NPAT: variants seen among roughly 807,000 people sequenced by gnomAD.
NPAT encodes the protein protein NPAT.
A neutral mutation model predicts 130.7 loss-of-function variants in NPAT; 52 were observed. The observed-to-expected ratio is 0.40, with a 90% confidence interval of 0.32 to 0.50. The LOEUF is 0.50. Among genes scored for constraint, NPAT ranks in the 20% least tolerant of loss-of-function variants. The probability of loss-of-function intolerance (pLI) is 0.68; values close to 1 mark genes in which losing one functional copy is unlikely to be tolerated. For synonymous variants in NPAT, 580 were observed against 584.8 expected, an observed-to-expected ratio of 0.99 and a Z score of 0.12; for missense variants, 1,687 against 1,662.6, an observed-to-expected ratio of 1.01 and a Z score of -0.26.
At chr11:108,188,292 G>T in intron 6 of NPAT, 113 bp from the exon 7 acceptor site, 3 of 801,612 alleles carry the variant, frequency 3.7e-6, no homozygotes, top group Non-Finnish European at 6.5e-6. Flanking sequence ...CAATTAACAT[G>T]TACTGAGTGC....
intron 1 of NPAT, 46 bp from the exon 2 acceptor site, chr11:108,197,466 T>C: frequency 7.9e-7 from 1 of 1,262,798 alleles, no homozygotes; most frequent in Non-Finnish European, 1.2e-6. Flanking sequence ...AATTCTGTAC[T>C]TTTGGTTAAA....
At chr11:108,186,119 C>A (rs1339493779) in intron 8 of NPAT, among the ~76,000 whole-genome samples, 1 of 152,006 alleles carries the variant, frequency 6.6e-6, no homozygotes, top group East Asian at 1.9e-4. Flanking sequence ...CAGGCTCAAG[C>A]AGTCCTCCCA....
intron 7 of NPAT, among the ~76,000 whole-genome samples, chr11:108,187,482 T>C (rs1425994570): frequency 2.6e-5 from 4 of 152,132 alleles, no homozygotes; most frequent in Non-Finnish European, 5.9e-5. Flanking sequence ...TTGCTGTTTG[T>C]TATTTTATAT....
In NPAT at chr11:108,185,305, G is replaced by C; in HGVS notation, c.833C>G (p.Ala278Gly). ...GTTATCTGTTTGCTTAGGTACTTGG[G>C]CAATATTGTTATCACTGTTAATAAA... is the stretch of plus-strand genomic sequence containing the variant. Reference protein sequence around the residue: ...NKFLTSDNNIAQVPKQTDNNP... With the variant: ...NKFLTSDNNIGQVPKQTDNNP... Residue 278 changes from alanine to glycine, a missense_variant, in exon 10 of 18, where the codon GCC becomes GGC. Around this residue, in one of 3 missense-constraint regions of NPAT, gnomAD observed 1,379 missense variants for 1,346.6 expected, o/e 1.02. Coordinates refer to ENST00000278612, the MANE Select transcript of NPAT (RefSeq NM_002519.3). 6.2e-7 allele frequency: 1 copy of C among 1,610,000 alleles called. No homozygotes were observed. The highest frequency in any genetic ancestry group is 1.1e-5 in the South Asian group (1 of 90,568).
rs544366374 is a variant in NPAT at position 108,170,055 on chromosome 11, A to G, written c.2786-12T>C. 2.9e-5 allele frequency: 45 copies of G among 1,550,422 alleles called. No homozygotes were observed. In the South Asian group the frequency reaches 3.9e-4, roughly 13 times the overall value. ...TATTATGGCAGATCCTAAAAAAACAATTCTTGTTAAAAAAAGATTTTCTCT... is the reference window on the plus strand; with the variant it reads ...TATTATGGCAGATCCTAAAAAAACAGTTCTTGTTAAAAAAAGATTTTCTCT... On this transcript the variant is annotated splice_polypyrimidine_tract_variant and intron_variant, in intron 13 of 17. Coordinates refer to ENST00000278612, the MANE Select transcript of NPAT (RefSeq NM_002519.3).
chr11:108,176,133 TGACC>T (rs2078003350), intron 12 of NPAT, 109 bp downstream of exon 12: 1 of 772,456 alleles, frequency 1.3e-6, no homozygotes, highest in South Asian at 1.7e-5. Flanking sequence ...AATACAAAAA[TGACC>T]TATAACAATC....
chr11:108,212,237 C>T (rs911840824), intron 1 of NPAT, among the ~76,000 whole-genome samples: 6 of 152,012 alleles, frequency 3.9e-5, no homozygotes, highest in African/African-American at 1.4e-4. Flanking sequence ...AAATAAAAAG[C>T]ATCCAGGCCG....
At chr11:108,181,253 C>A (rs1163452604) in intron 10 of NPAT, among the ~76,000 whole-genome samples, 1 of 152,170 alleles carries the variant, frequency 6.6e-6, no homozygotes, top group Non-Finnish European at 1.5e-5. Flanking sequence ...CACCCGAGGT[C>A]AGGAGTTCGA....
chr11:108,206,787 G>A (rs544079379), intron 1 of NPAT, among the ~76,000 whole-genome samples: 1 of 152,338 alleles, frequency 6.6e-6, no homozygotes, highest in South Asian at 2.1e-4. Flanking sequence ...GAGGTTCACG[G>A]TCAACTGGAA....
intron 10 of NPAT, among the ~76,000 whole-genome samples, chr11:108,179,943 G>A (rs377664096): frequency 3.3e-5 from 5 of 152,112 alleles, no homozygotes; most frequent in East Asian, 1.9e-4. Flanking sequence ...AAACCTATGC[G>A]GATCAAAGAA....
chr11:108,206,873 C>T (rs1018706298), intron 1 of NPAT, among the ~76,000 whole-genome samples: 11 of 151,078 alleles, frequency 7.3e-5, no homozygotes, highest in South Asian at 2.1e-4. Context: ...AGCTCCTTTC[C>T]GTAGGCAGGT....
intron 1 of NPAT, among the ~76,000 whole-genome samples, chr11:108,212,931 G>C (rs1276433380): frequency 1.1e-5 from 1 of 92,706 alleles, no homozygotes; most frequent in Non-Finnish European, 1.9e-5. Context: ...GGGCAACAGA[G>C]CAAGACTCTG....
Position 108,193,958 on chromosome 11 carries a change from T to C in NPAT, c.216A>G (p.Lys72=). The change falls in exon 3 of 18, where the codon AAA becomes AAG. Residue 72 remains lysine (K), a splice_region_variant and synonymous_variant. Transcript: ENST00000278612. ...ILNEYVAMKT[K]ETSNNVPAIM... is the part of the protein sequence containing the mutation. ...AAAACTCCAAATCAGAACTCTTACC[T>C]TTTGTTTTCATAGCTACATACTCAT... The C allele has an allele frequency of 6.4e-7, 1 of 1,556,868 alleles. No homozygotes were observed. The highest frequency in any genetic ancestry group is 8.9e-7 in the Non-Finnish European group (1 of 1,128,598).
Position 108,174,715 on chromosome 11 carries a change from T to C in NPAT, c.1133-864A>G, listed in dbSNP as rs139334865. ...CTGCAGCCTCTGCCTCCCGGGTTCA[T>C]GTGATTCTCCTGCCTCAGCCTCTTG... On this transcript the variant is annotated intron_variant, in intron 12 of 17. Transcript: ENST00000278612. 6.1e-3 allele frequency among the ~76,000 whole-genome samples: 927 copies of C among 151,250 alleles called. 8 individuals carry two copies. The highest frequency in any genetic ancestry group is 0.02 in the African/African-American group (816 of 41,206).
chr11:108,165,018 A>G (rs970865194), intron 15 of NPAT, among the ~76,000 whole-genome samples: 3 of 152,110 alleles, frequency 2.0e-5, no homozygotes, highest in Non-Finnish European at 2.9e-5. Context: ...TCAAAAATAA[A>G]ATAAATAAAT....
intron 11 of NPAT, among the ~76,000 whole-genome samples, 159 bp from the exon 12 acceptor site, chr11:108,176,533 A>AT (rs2078007982): frequency 6.6e-6 from 1 of 152,214 alleles, no homozygotes; most frequent in Non-Finnish European, 1.5e-5. Context: ...AAGTACAAAG[A>AT]TTTTCCCACT....
intron 15 of NPAT, among the ~76,000 whole-genome samples, chr11:108,163,376 C>T (rs1002344610): frequency 1.3e-5 from 2 of 152,098 alleles, no homozygotes; most frequent in South Asian, 2.1e-4. Flanking sequence ...CCACCATGCC[C>T]GGCCCCTTTA....
intron 10 of NPAT, among the ~76,000 whole-genome samples, chr11:108,181,649 C>A (rs2134850888): frequency 6.6e-6 from 1 of 152,088 alleles, no homozygotes; most frequent in African/African-American, 2.4e-5. Context: ...ACTTCTTTCA[C>A]CAGTACCACA....
At position 108,222,610 on chromosome 11, in the gene NPAT, C is replaced by T. The variant is rs1301011415; in HGVS notation, c.-74G>A. ...AGCAAACACAGCGACAGCTCCTGCGCCGCATCTCCTGGTTCCAGTGGCGGC... is the reference window on the plus strand; with the variant it reads ...AGCAAACACAGCGACAGCTCCTGCGTCGCATCTCCTGGTTCCAGTGGCGGC... On this transcript the variant is annotated 5_prime_UTR_variant, in exon 1 of 18. Transcript: ENST00000278612. 2.6e-6 allele frequency: 4 copies of T among 1,533,140 alleles called. No individual in the cohort carries two copies. Among genetic ancestry groups the T allele is most frequent in the East Asian group, 4.6e-5 (2 of 43,778 alleles). The allele number at this position is 1,533,140 out of a possible 1,614,324, so 95.0% of individuals were successfully genotyped here.
Sources: allele counts gnomAD v4.1 joint callset (sites outside exome capture counted in the v4.1 genomes callset), GRCh38; gene constraint gnomAD v4.1.1; regional missense constraint gnomAD v4.1.1; transcripts MANE v1.5; gene names NCBI Gene and HGNC (gene_info 2026-07-23, HGNC 2026-07-21).